Variants in IMMP2L observed in about 807,000 individuals in gnomAD.
IMMP2L encodes inner mitochondrial membrane peptidase subunit 2.
IMMP2L carries 18 observed loss-of-function variants against 19.3 expected under a neutral mutation model. The observed-to-expected ratio is 0.93, with a 90% confidence interval of 0.64 to 1.38. IMMP2L has a LOEUF of 1.38. IMMP2L is among the 40% of genes most tolerant of loss of function. The pLI, the probability that IMMP2L is intolerant of heterozygous loss-of-function variation, is 0.00. For synonymous variants in IMMP2L, 76 were observed against 73.0 expected, an observed-to-expected ratio of 1.04 and a Z score of -0.21; for missense variants, 233 against 218.2, an observed-to-expected ratio of 1.07 and a Z score of -0.43.
chr7:111,074,228 A>G (rs1415839308), intron 3 of IMMP2L, among the ~76,000 whole-genome samples: 1 of 152,252 alleles, frequency 6.6e-6, no homozygotes, highest in African/African-American at 2.4e-5. Flanking sequence ...GAGCAAAAAT[A>G]AGAAACCTAG....
At position 110,918,919 on chromosome 7, in the gene IMMP2L, A is replaced by T. The variant is rs1024635773; in HGVS notation, c.306-32224T>A. ...ATTAGCATTTTATCAAATCTTCACA[A>T]CTACTCTACATGCCAATAGAAATTG... On this transcript the variant is annotated intron_variant, in intron 4 of 5. Transcript: ENST00000405709. Among the ~76,000 whole-genome samples, 18 of 152,160 alleles carry T rather than the reference A, an allele frequency of 1.2e-4. 1 individual carries two copies. Among genetic ancestry groups the T allele is most frequent in the African/African-American group, 4.3e-4 (18 of 41,426 alleles).
intron 4 of IMMP2L, among the ~76,000 whole-genome samples, chr7:110,950,819 T>C (rs907811170): frequency 3.6e-5 from 5 of 138,466 alleles, no homozygotes; most frequent in Admixed American, 7.7e-5. Context: ...CGTAGACAGA[T>C]GAATGGATAC....
At chr7:111,415,934 A>G (rs902887797) in intron 3 of IMMP2L, among the ~76,000 whole-genome samples, 7 of 151,894 alleles carry the variant, frequency 4.6e-5, no homozygotes, top group African/African-American at 1.5e-4. Context: ...CCTGCAAATA[A>G]AACATATCAT....
chr7:111,131,632 T>C (rs1257561702), intron 3 of IMMP2L, among the ~76,000 whole-genome samples: 1 of 151,890 alleles, frequency 6.6e-6, no homozygotes, highest in Non-Finnish European at 1.5e-5. Flanking sequence ...GGCCTGCACA[T>C]CTCTTTCTGT....
intron 3 of IMMP2L, among the ~76,000 whole-genome samples, chr7:111,446,072 G>T (rs1473090440): frequency 6.6e-6 from 1 of 151,756 alleles, no homozygotes; most frequent in Non-Finnish European, 1.5e-5. Context: ...ACGGAATCTC[G>T]CTGATTGCTA....
At chr7:111,488,296 G>A (rs373944838) in intron 2 of IMMP2L, among the ~76,000 whole-genome samples, 32 of 152,134 alleles carry the variant, frequency 2.1e-4, no homozygotes, top group African/African-American at 7.2e-4. Flanking sequence ...CCCGAGCAAC[G>A]TACACTGTAC....
intron 5 of IMMP2L, among the ~76,000 whole-genome samples, chr7:110,804,960 T>C (rs1801523588): frequency 1.3e-5 from 2 of 152,124 alleles, no homozygotes; most frequent in African/African-American, 4.8e-5. Flanking sequence ...TATAGACAGC[T>C]AGGTTACAGG....
intron 3 of IMMP2L, among the ~76,000 whole-genome samples, chr7:110,993,138 G>A (rs976505971): frequency 6.6e-6 from 1 of 152,002 alleles, no homozygotes; most frequent in African/African-American, 2.4e-5. Context: ...AAACAGGCCA[G>A]GTTTCCCTAA....
intron 3 of IMMP2L, among the ~76,000 whole-genome samples, chr7:111,262,414 A>G (rs983765501): frequency 1.3e-5 from 2 of 152,044 alleles, no homozygotes; most frequent in East Asian, 1.9e-4. Context: ...GCATTTCCAT[A>G]ATAGAGAAGA....
intron 4 of IMMP2L, among the ~76,000 whole-genome samples, chr7:110,915,560 A>C (rs1813517802): frequency 6.6e-6 from 1 of 152,190 alleles, no homozygotes; most frequent in South Asian, 2.1e-4. Flanking sequence ...AACTACAGTT[A>C]ATAATACTTG....
At chr7:111,047,173 TTG>T (rs1792480363) in intron 3 of IMMP2L, among the ~76,000 whole-genome samples, 2 of 14,250 alleles carry the variant, frequency 1.4e-4, no homozygotes, top group African/African-American at 2.7e-4. Context: ...AATGTCTTTT[TTG>T]TTTTTTTTTT....
intron 3 of IMMP2L, among the ~76,000 whole-genome samples, chr7:111,148,498 T>C (rs1480701396): frequency 6.6e-6 from 1 of 152,040 alleles, no homozygotes; most frequent in Non-Finnish European, 1.5e-5. Context: ...ACATTAAAAG[T>C]GTGAAACCTA....
At chr7:110,985,624 T>C (rs551409010) in intron 3 of IMMP2L, among the ~76,000 whole-genome samples, 1 of 152,164 alleles carries the variant, frequency 6.6e-6, no homozygotes, top group Admixed American at 6.6e-5. Flanking sequence ...GTGAATGTTT[T>C]AATTTTTATA....
chr7:111,145,012 G>A (rs1341045485), intron 3 of IMMP2L, among the ~76,000 whole-genome samples: 1 of 152,030 alleles, frequency 6.6e-6, no homozygotes, highest in Admixed American at 6.6e-5. Flanking sequence ...GAGCTAAATA[G>A]GTGCAAAGAA....
intron 3 of IMMP2L, among the ~76,000 whole-genome samples, chr7:111,296,932 T>C (rs1821697925): frequency 6.6e-6 from 1 of 151,946 alleles, no homozygotes. Context: ...AAAAGCCAAC[T>C]TCAAAAGGTT....
At chr7:111,128,688 G>A (rs534216943) in intron 3 of IMMP2L, among the ~76,000 whole-genome samples, 38 of 152,244 alleles carry the variant, frequency 2.5e-4, no homozygotes, top group African/African-American at 8.9e-4. Flanking sequence ...AGCTGGGTGT[G>A]GTGGTGAATG....
chr7:111,146,997 T>A (rs1186580956), intron 3 of IMMP2L, among the ~76,000 whole-genome samples: 1 of 152,180 alleles, frequency 6.6e-6, no homozygotes, highest in Non-Finnish European at 1.5e-5. Context: ...TGGCTCCATT[T>A]TATTTCAGAG....
At chr7:110,666,370 G>C (rs1046208238) in intron 5 of IMMP2L, among the ~76,000 whole-genome samples, 7 of 152,050 alleles carry the variant, frequency 4.6e-5, no homozygotes, top group Non-Finnish European at 1.0e-4. Flanking sequence ...CACCTCCTGG[G>C]GTCACGCCAT....
At chr7:111,327,078 A>T (rs1440636868) in intron 3 of IMMP2L, among the ~76,000 whole-genome samples, 1 of 151,806 alleles carries the variant, frequency 6.6e-6, no homozygotes, top group Non-Finnish European at 1.5e-5. Flanking sequence ...AAAAAGGGGA[A>T]TCCTGCCAGC....
Sources: allele counts gnomAD v4.1 joint callset (sites outside exome capture counted in the v4.1 genomes callset), GRCh38; gene constraint gnomAD v4.1.1; transcripts MANE v1.5; gene names NCBI Gene and HGNC (gene_info 2026-07-23, HGNC 2026-07-21).